Variants in SYT1 observed in about 807,000 individuals in gnomAD.
The protein encoded by SYT1 is synaptotagmin-1.
SYT1 carries 8 observed loss-of-function variants against 44.8 expected under a neutral mutation model. That is an observed-to-expected ratio of 0.18 (90% confidence interval 0.10 to 0.32). SYT1 has a LOEUF of 0.32. Ranked by LOEUF, SYT1 falls within the 10% of genes least tolerant of loss-of-function variation. SYT1 has a pLI of 1.00. For missense variants in SYT1, 286 were observed against 509.3 expected, an observed-to-expected ratio of 0.56 and a Z score of 4.22; for synonymous variants, 154 against 188.8, an observed-to-expected ratio of 0.82 and a Z score of 1.51.
chr12:79,098,667 T>C (rs1878283865), intron 3 of SYT1, among the ~76,000 whole-genome samples: 1 of 152,166 alleles, frequency 6.6e-6, no homozygotes, highest in Non-Finnish European at 1.5e-5. Flanking sequence ...TTTCCATCCT[T>C]GGGCTCTTGG....
chr12:79,344,005 A>G (rs940439100), intron 8 of SYT1, among the ~76,000 whole-genome samples: 1 of 152,214 alleles, frequency 6.6e-6, no homozygotes, highest in African/African-American at 2.4e-5. Flanking sequence ...AAACAGAGAG[A>G]AAAACTAGAC....
intron 8 of SYT1, among the ~76,000 whole-genome samples, chr12:79,344,280 T>TTA (rs1422583537): frequency 6.6e-6 from 1 of 152,206 alleles, no homozygotes; most frequent in African/African-American, 2.4e-5. Flanking sequence ...TATTTTACTG[T>TTA]TATTTTGTTG....
chr12:79,132,403 C>T (rs527293647), intron 3 of SYT1, among the ~76,000 whole-genome samples: 9 of 150,746 alleles, frequency 6.0e-5, no homozygotes, highest in Admixed American at 2.6e-4. Flanking sequence ...GAGCCAAGAT[C>T]GCACCACTGC....
rs185118548 is a variant in SYT1, at chr12:78,952,975, C to G, written c.-216-24824C>G. 5.3e-5 allele frequency among the ~76,000 whole-genome samples: 8 copies of G among 152,134 alleles called. No homozygotes were observed. The East Asian group carries it at 7.7e-4, about 15-fold the overall frequency. On this transcript the variant is annotated intron_variant, in intron 1 of 10. Coordinates refer to ENST00000261205, the MANE Select transcript of SYT1 (RefSeq NM_005639.3). Reference sequence around the variant, plus strand: ...ACCTTTAATGAGAAAACCAAGAGGGCAAAATTTTTTGTGTCTCATTTTTTA... The same window carrying G: ...ACCTTTAATGAGAAAACCAAGAGGGGAAAATTTTTTGTGTCTCATTTTTTA...
intron 3 of SYT1, among the ~76,000 whole-genome samples, chr12:79,128,825 C>A (rs1461684487): frequency 1.3e-5 from 2 of 152,180 alleles, no homozygotes; most frequent in African/African-American, 4.8e-5. Flanking sequence ...ACTTACCTTA[C>A]TAACTTCTCT....
intron 4 of SYT1, among the ~76,000 whole-genome samples, chr12:79,267,085 T>G (rs1208277998): frequency 6.6e-6 from 1 of 152,150 alleles, no homozygotes; most frequent in African/African-American, 2.4e-5. Context: ...TCTAGAATCT[T>G]AAAAGAAAGG....
At chr12:78,979,591 C>T (rs1565746863) in intron 2 of SYT1, among the ~76,000 whole-genome samples, 1 of 151,952 alleles carries the variant, frequency 6.6e-6, no homozygotes, top group Non-Finnish European at 1.5e-5. Flanking sequence ...ATAAAAACAC[C>T]ACAATCAAGT....
intron 8 of SYT1, among the ~76,000 whole-genome samples, chr12:79,351,841 T>C (rs1276422525): frequency 1.3e-5 from 2 of 152,164 alleles, no homozygotes; most frequent in African/African-American, 4.8e-5. Context: ...TCAAAACAGG[T>C]ATTTTCTAAA....
intron 1 of SYT1, among the ~76,000 whole-genome samples, chr12:78,922,457 A>C (rs12815358): frequency 0.18 from 27,537 of 151,462 alleles, 3,098 homozygotes; most frequent in East Asian, 0.5. Context: ...TCTTAAGAAA[A>C]CATATTATAA....
At chr12:79,091,173 T>A (rs1296464937) in intron 3 of SYT1, among the ~76,000 whole-genome samples, 3 of 152,008 alleles carry the variant, frequency 2.0e-5, no homozygotes, top group African/African-American at 7.2e-5. Context: ...GTCCCCTCTT[T>A]GAAATTTATT....
intron 1 of SYT1, among the ~76,000 whole-genome samples, chr12:78,888,991 G>A (rs1311695489): frequency 6.6e-6 from 1 of 151,770 alleles, no homozygotes; most frequent in African/African-American, 2.4e-5. Flanking sequence ...GCTTTTCTTT[G>A]CTCCGAAACC....
intron 1 of SYT1, among the ~76,000 whole-genome samples, chr12:78,890,162 A>G (rs537249329): frequency 2.5e-4 from 38 of 152,086 alleles, no homozygotes; most frequent in African/African-American, 8.2e-4. Flanking sequence ...AATCTGTACA[A>G]TAAGGTGACT....
chr12:79,011,497 A>G (rs1388326619), intron 2 of SYT1, among the ~76,000 whole-genome samples: 1 of 152,076 alleles, frequency 6.6e-6, no homozygotes, highest in Non-Finnish European at 1.5e-5. Context: ...AATATTAAGG[A>G]GAGAAAGTTG....
intron 3 of SYT1, among the ~76,000 whole-genome samples, chr12:79,068,053 G>C (rs893098343): frequency 1.6e-4 from 25 of 152,126 alleles, no homozygotes; most frequent in African/African-American, 5.6e-4. Flanking sequence ...ACCATGCTTT[G>C]GATTACAATC....
At chr12:78,913,789 T>C (rs904897090) in intron 1 of SYT1, among the ~76,000 whole-genome samples, 1 of 151,896 alleles carries the variant, frequency 6.6e-6, no homozygotes. Flanking sequence ...TAACCAGTGA[T>C]ATAGATGGTG....
intron 3 of SYT1, among the ~76,000 whole-genome samples, chr12:79,212,680 T>C (rs1220010197): frequency 6.6e-6 from 1 of 152,214 alleles, no homozygotes. Context: ...AATTAAGTAC[T>C]ATGTTTCCTT....
intron 1 of SYT1, among the ~76,000 whole-genome samples, chr12:78,973,056 C>T (rs769113456): frequency 4.6e-5 from 7 of 152,072 alleles, no homozygotes; most frequent in Non-Finnish European, 8.8e-5. Flanking sequence ...ATTTGTTTTG[C>T]CCAATCGGGT....
intron 4 of SYT1, among the ~76,000 whole-genome samples, chr12:79,240,362 G>A (rs188264270): frequency 4.6e-5 from 7 of 152,112 alleles, no homozygotes; most frequent in Admixed American, 4.6e-4. Context: ...CCTTCTTTTT[G>A]GTGTCATTCC....
At chr12:79,294,150 A>G (rs1193075363) in intron 6 of SYT1, among the ~76,000 whole-genome samples, 1 of 152,044 alleles carries the variant, frequency 6.6e-6, no homozygotes, top group Non-Finnish European at 1.5e-5. Context: ...GAAGCTTTCA[A>G]GTTAGCTTTA....
Sources: gnomAD v4.1 joint callset for allele counts (sites outside exome capture counted in the v4.1 genomes callset) on GRCh38, gnomAD v4.1.1 for gene constraint, MANE v1.5 for transcripts, NCBI Gene and HGNC (gene_info 2026-07-23, HGNC 2026-07-21) for gene names.